The following DPP10 variants were observed in gnomAD, a reference collection of about 807,000 sequenced individuals.
DPP10 encodes inactive dipeptidyl peptidase 10.
A neutral mutation model predicts 120.9 loss-of-function variants in DPP10; 33 were observed. That is an observed-to-expected ratio of 0.27 (90% CI 0.21 to 0.37). The LOEUF (loss-of-function observed/expected upper bound fraction) is 0.37. DPP10 is among the 10% of genes least tolerant of loss of function. The pLI is 1.00. For missense variants in DPP10, 816 were observed against 942.8 expected, an observed-to-expected ratio of 0.87 and a Z score of 1.76; for synonymous variants, 337 against 326.1, an observed-to-expected ratio of 1.03 and a Z score of -0.36.
intron 1 of DPP10, among the ~76,000 whole-genome samples, chr2:114,750,459 G>A (rs930542228): frequency 5.3e-5 from 8 of 151,638 alleles, no homozygotes; most frequent in Admixed American, 2.0e-4. Flanking sequence ...TCAGCCTCCC[G>A]AGTAGCTGGG....
intron 1 of DPP10, among the ~76,000 whole-genome samples, chr2:115,169,754 A>G (rs950537859): frequency 1.2e-4 from 18 of 152,196 alleles, no homozygotes; most frequent in African/African-American, 3.6e-4. Context: ...ACATTTGGGA[A>G]TGTTCTCCAG....
At chr2:114,477,799 A>T (rs982908698) in intron 1 of DPP10, among the ~76,000 whole-genome samples, 2 of 151,070 alleles carry the variant, frequency 1.3e-5, no homozygotes, top group African/African-American at 4.9e-5. Context: ...ATGTATATGC[A>T]CATATACATA....
chr2:115,546,410 A>AACCTATAG lies in DPP10; in HGVS notation c.441+20439_441+20446dup, dbSNP rs1188738049. Among the ~76,000 whole-genome samples the AACCTATAG allele has an allele frequency of 2.6e-5, 4 of 152,276 alleles. No individual in the cohort carries two copies. In the East Asian group the frequency reaches 7.7e-4, roughly 29 times the overall value. On this transcript the variant is annotated intron_variant, in intron 5 of 25. Transcript: ENST00000410059. ...GTTGTCCTCAATCTGGAGAAATCAA[A>AACCTATAG]ACCTATAGCTAATCAATGGGTTCCT...
chr2:114,907,773 G>T (rs1694082032), intron 1 of DPP10, among the ~76,000 whole-genome samples: 1 of 152,016 alleles, frequency 6.6e-6, no homozygotes, highest in Non-Finnish European at 1.5e-5. Flanking sequence ...TTGCTTTAAT[G>T]GCTTCGGTGT....
chr2:115,289,059 A>C (rs1171606017), intron 1 of DPP10, among the ~76,000 whole-genome samples: 1 of 152,120 alleles, frequency 6.6e-6, no homozygotes, highest in Non-Finnish European at 1.5e-5. Context: ...AGATTCCCCC[A>C]AAACACTCCC....
intron 1 of DPP10, among the ~76,000 whole-genome samples, chr2:115,174,559 G>T (rs2053571008): frequency 6.6e-6 from 1 of 152,124 alleles, no homozygotes; most frequent in Non-Finnish European, 1.5e-5. Flanking sequence ...TATAGACTGT[G>T]GGCCTATGTA....
intron 3 of DPP10, among the ~76,000 whole-genome samples, chr2:115,489,636 C>G (rs1422713169): frequency 6.7e-6 from 1 of 149,120 alleles, no homozygotes; most frequent in Admixed American, 6.7e-5. Flanking sequence ...TTAAATTAAG[C>G]TGGTACAATT....
In DPP10 at chr2:115,782,406, A is replaced by G. The variant is rs1483116536; in HGVS notation, c.1531+7A>G. On this transcript the variant is annotated splice_region_variant and intron_variant, in intron 17 of 25. Coordinates refer to ENST00000410059, the MANE Select transcript of DPP10 (RefSeq NM_020868.6). ...AGTACGGACAACCCAGCAAGTGAGT[A>G]CACAAGAAGACAATTAAGAATAGTT... 1.2e-6 allele frequency: 2 copies of G among 1,610,282 alleles called. No homozygotes were observed. Among genetic ancestry groups the G allele is most frequent in the Admixed American group, 3.3e-5 (2 of 59,974 alleles).
chr2:115,204,934 A>G (rs943689367), intron 1 of DPP10, among the ~76,000 whole-genome samples: 1 of 152,028 alleles, frequency 6.6e-6, no homozygotes, highest in Non-Finnish European at 1.5e-5. Flanking sequence ...CCATTTTTTA[A>G]TGGGGTTGCC....
At chr2:115,719,700 G>A (rs535061063) in intron 7 of DPP10, among the ~76,000 whole-genome samples, 3 of 152,238 alleles carry the variant, frequency 2.0e-5, no homozygotes, top group Admixed American at 6.5e-5. Flanking sequence ...TTTGATAAAA[G>A]TCTTTATGGT....
At chr2:115,488,925 AAAAC>A (rs917098910) in intron 3 of DPP10, among the ~76,000 whole-genome samples, 19 of 151,864 alleles carry the variant, frequency 1.3e-4, no homozygotes, top group East Asian at 7.8e-4. Context: ...GCCATGTTGT[AAAAC>A]AAACAAACAA....
At chr2:114,617,504 A>G (rs1693762206) in intron 1 of DPP10, among the ~76,000 whole-genome samples, 1 of 152,112 alleles carries the variant, frequency 6.6e-6, no homozygotes, top group African/African-American at 2.4e-5. Flanking sequence ...ATATGTTTGA[A>G]AAATTCTAAA....
intron 1 of DPP10, among the ~76,000 whole-genome samples, chr2:114,693,358 A>T (rs1699881780): frequency 6.6e-6 from 1 of 151,922 alleles, no homozygotes; most frequent in African/African-American, 2.4e-5. Flanking sequence ...ACCAGATATG[A>T]AGTTCTAGGC....
chr2:115,450,118 TAA>T (rs1426472228), intron 3 of DPP10, among the ~76,000 whole-genome samples: 1 of 151,968 alleles, frequency 6.6e-6, no homozygotes, highest in East Asian at 1.9e-4. Context: ...GAGAATATCA[TAA>T]GTCAAAAATG....
At chr2:115,829,148 G>T (rs537186343) in intron 21 of DPP10, among the ~76,000 whole-genome samples, 1 of 152,068 alleles carries the variant, frequency 6.6e-6, no homozygotes, top group Non-Finnish European at 1.5e-5. Flanking sequence ...CTATCAAAAG[G>T]CTAAATGAGT....
At chr2:114,812,156 T>C (rs898268428) in intron 1 of DPP10, among the ~76,000 whole-genome samples, 1 of 152,220 alleles carries the variant, frequency 6.6e-6, no homozygotes, top group Non-Finnish European at 1.5e-5. Flanking sequence ...TAGAGAAACA[T>C]GTAAATTTAC....
intron 10 of DPP10, among the ~76,000 whole-genome samples, chr2:115,751,768 A>G (rs1306254913): frequency 6.6e-6 from 1 of 151,360 alleles, no homozygotes; most frequent in Non-Finnish European, 1.5e-5. Context: ...TAAGTCATAT[A>G]AAACTGGGTT....
intron 1 of DPP10, among the ~76,000 whole-genome samples, chr2:115,204,495 C>T (rs1008005926): frequency 2.6e-5 from 4 of 152,042 alleles, no homozygotes; most frequent in Non-Finnish European, 5.9e-5. Context: ...TTTGACAATG[C>T]CAGCACTTTA....
In DPP10 at chr2:114,803,051, C is replaced by T. The variant is rs111688734; in HGVS notation, c.60+360213C>T. Among the ~76,000 whole-genome samples, 526 of 152,188 alleles carry T rather than the reference C, an allele frequency of 3.5e-3. 5 individuals are homozygous for T. Among genetic ancestry groups the T allele is most frequent in the African/African-American group, 0.012 (485 of 41,506 alleles). ...TCTCCCAGAATTCCTACGTGTTGTA[C>T]GAGGGACTCACGGGGAGGTACTTGA... On this transcript the variant is annotated intron_variant, in intron 1 of 25. Coordinates refer to ENST00000410059, the MANE Select transcript of DPP10 (RefSeq NM_020868.6).
Sources: gnomAD v4.1 joint callset for allele counts (sites outside exome capture counted in the v4.1 genomes callset) on GRCh38, gnomAD v4.1.1 for gene constraint, MANE v1.5 for transcripts, NCBI Gene and HGNC (gene_info 2026-07-23, HGNC 2026-07-21) for gene names.